Variants in ATP11C observed in about 807,000 individuals in gnomAD.
ATP11C encodes the protein ATPase phospholipid transporting 11C (ATP11C blood group).
Under a neutral mutation model 97.4 loss-of-function variants are expected in ATP11C, and 36 were observed. That is an observed-to-expected ratio of 0.37 (90% confidence interval 0.28 to 0.49). The LOEUF is 0.49. ATP11C is among the 20% of genes least tolerant of loss of function. ATP11C has a pLI of 0.98. For synonymous variants in ATP11C, 275 were observed against 290.9 expected, an observed-to-expected ratio of 0.95 and a Z score of 0.56; for missense variants, 730 against 824.6, an observed-to-expected ratio of 0.89 and a Z score of 1.40.
rs752463808 is a variant in ATP11C, at chrX:139,763,431, T to C, written c.2392-13A>G. 50 of 1,163,240 alleles carry C rather than the reference T, an allele frequency of 4.3e-5. No homozygotes were observed. The highest frequency in any genetic ancestry group is 3.5e-6 in the Non-Finnish European group (3 of 853,407). On this transcript the variant is annotated splice_polypyrimidine_tract_variant and intron_variant, in intron 20 of 29. Coordinates refer to ENST00000682941, the MANE Select transcript of ATP11C (RefSeq NM_001353812.2). ...CCATTCTGACAATCTAAATATTAAA[T>C]ACAAAAGAGGTGTAAAAAAGGTCAA... is the stretch of plus-strand genomic sequence containing the variant.
In ATP11C at chrX:139,812,159, C is replaced by T. The variant is rs746035451; in HGVS notation, c.426+2719G>A. 4.5e-4 allele frequency among the ~76,000 whole-genome samples: 50 copies of T among 111,698 alleles called. 1 individual carries two copies. Among genetic ancestry groups the T allele is most frequent in the African/African-American group, 1.4e-3 (44 of 30,698 alleles). ...AAAGGAGTCTCAACAAACTCTTTCC[C>T]CCGACTCCCCAGCCAAGCAATCTGC... On this transcript the variant is annotated intron_variant, in intron 5 of 29. Transcript: ENST00000682941.
In ATP11C at chrX:139,834,611, AAAG is replaced by A. The variant is rs770085519; in HGVS notation, c.28-7791_28-7789del. Among the ~76,000 whole-genome samples, 8 of 112,628 alleles carry A rather than the reference AAAG, an allele frequency of 7.1e-5. No individual in the cohort carries two copies. In the East Asian group the frequency reaches 1.4e-3, roughly 20 times the overall value. ...GTATAACTTGGATATTGAAGCATAAAAAGAAGAGCACGACAAATATTCAGTAAT... is the reference window on the plus strand; with the variant it reads ...GTATAACTTGGATATTGAAGCATAAAAAGAGCACGACAAATATTCAGTAAT... On this transcript the variant is annotated intron_variant, in intron 1 of 29. Transcript: ENST00000682941.
chrX:139,728,996 T>C lies in ATP11C; in HGVS notation c.*4-34A>G, dbSNP rs773807047. On this transcript the variant is annotated intron_variant, in intron 29 of 29. Coordinates refer to ENST00000682941, the MANE Select transcript of ATP11C (RefSeq NM_001353812.2). Reference sequence around the variant, plus strand: ...TGTAAAATATACAGATTTAAAAGGCTTATTTTAATAATGTGAAACCATCTG... The same window carrying C: ...TGTAAAATATACAGATTTAAAAGGCCTATTTTAATAATGTGAAACCATCTG... The C allele has an allele frequency of 6.3e-5, 66 of 1,041,414 alleles. 1 individual carries two copies. Among genetic ancestry groups the C allele is most frequent in the Non-Finnish European group, 8.4e-5 (63 of 751,193 alleles). The allele number at this position is 1,041,414 out of a possible 1,213,427, so 85.8% of individuals were successfully genotyped here. A position where few individuals can be genotyped will look rare whatever the true frequency, so the allele number is the denominator to read the frequency against.
At chrX:139,808,567 C>A (rs2083096893) in intron 5 of ATP11C, among the ~76,000 whole-genome samples, 1 of 110,964 alleles carries the variant, frequency 9.0e-6, no homozygotes, top group Non-Finnish European at 1.9e-5. Context: ...GGAGTAATAT[C>A]TTTAAAGTAC....
chrX:139,898,854 G>C (rs2084851287), intron 1 of ATP11C, among the ~76,000 whole-genome samples: 2 of 111,666 alleles, frequency 1.8e-5, no homozygotes, highest in Admixed American at 9.6e-5. Flanking sequence ...TGTTTCCATA[G>C]AGTACAGTAT....
intron 1 of ATP11C, among the ~76,000 whole-genome samples, chrX:139,875,419 CA>C (rs35815603): frequency 0.25 from 11,054 of 44,872 alleles, 1,647 homozygotes; most frequent in African/African-American, 0.49. Context: ...CCCATCTCCA[CA>C]AAAAAAAAAA....
intron 1 of ATP11C, among the ~76,000 whole-genome samples, chrX:139,887,001 T>C (rs1187636463): frequency 1.8e-5 from 2 of 111,694 alleles, no homozygotes; most frequent in African/African-American, 3.2e-5. Context: ...AAGGGTAACA[T>C]AGATCAATGA....
At chrX:139,917,368 AAAGT>A (rs2085170462) in intron 1 of ATP11C, among the ~76,000 whole-genome samples, 1 of 111,978 alleles carries the variant, frequency 8.9e-6, no homozygotes, top group African/African-American at 3.2e-5. Flanking sequence ...TCTGTTCATC[AAAGT>A]AAGTAATCAT....
Position 139,797,250 on chromosome X carries a change from C to T in ATP11C, c.934G>A (p.Val312Ile), listed in dbSNP as rs1353707269. The T allele has an allele frequency of 1.7e-6, 2 of 1,198,129 alleles. 1 individual carries two copies. Among genetic ancestry groups the T allele is most frequent in the African/African-American group, 3.5e-5 (2 of 56,916 alleles). ...TCATTGTATGGGGTACTTTGCCAAA[C>T]ATACTTTAGAGTAGTGCATACTGCA... ...KAAVCTTLKY[V>I]WQSTPYNDEP... The change falls in exon 11 of 30, where the codon GTT becomes ATT. Residue 312 changes from valine to isoleucine, a missense_variant. Physicochemically the swap from Val to Ile is conservative, Grantham distance 29 (BLOSUM62 3). Transcript: ENST00000682941.
intron 7 of ATP11C, among the ~76,000 whole-genome samples, chrX:139,800,492 G>T (rs947219153): frequency 1.2e-4 from 13 of 111,840 alleles, no homozygotes; most frequent in African/African-American, 4.2e-4. Context: ...TTTCAAAACC[G>T]CTAGTTCAGT....
intron 1 of ATP11C, among the ~76,000 whole-genome samples, chrX:139,898,950 G>GT (rs750165268): frequency 1.5e-3 from 163 of 111,733 alleles, no homozygotes; most frequent in Non-Finnish European, 2.6e-3. Flanking sequence ...ACCAACAGTG[G>GT]TAAGTCATGC....
At chrX:139,845,388 T>G (rs1258505759) in intron 1 of ATP11C, among the ~76,000 whole-genome samples, 1 of 112,318 alleles carries the variant, frequency 8.9e-6, no homozygotes, top group Non-Finnish European at 1.9e-5. Context: ...ATTAATGCAT[T>G]TATTAACAAT....
At chrX:139,787,308 T>A in intron 14 of ATP11C, 64 bp from the exon 15 acceptor site, 2 of 919,360 alleles carry the variant, frequency 2.2e-6, no homozygotes, top group East Asian at 3.7e-5. Context: ...TTTATTATTA[T>A]TTTTTTTGAG....
intron 1 of ATP11C, among the ~76,000 whole-genome samples, chrX:139,890,968 A>G (rs944703692): frequency 5.4e-5 from 6 of 111,401 alleles, no homozygotes; most frequent in Non-Finnish European, 1.1e-4. Context: ...CAGTGTAGCC[A>G]GCAAACTTCA....
At chrX:139,915,945 T>C (rs924970978) in intron 1 of ATP11C, among the ~76,000 whole-genome samples, 1 of 111,669 alleles carries the variant, frequency 9.0e-6, no homozygotes, top group Non-Finnish European at 1.9e-5. Context: ...AAACACAACA[T>C]GTGGCCAGCA....
intron 27 of ATP11C, among the ~76,000 whole-genome samples, chrX:139,738,792 A>C (rs1278218270): frequency 3.6e-5 from 4 of 110,225 alleles, no homozygotes; most frequent in East Asian, 2.9e-4. Context: ...AACCACAGAG[A>C]GCCTCAGTAG....
intron 8 of ATP11C, 23 bp downstream of exon 8, chrX:139,800,037 A>G: frequency 1.6e-6 from 1 of 625,906 alleles, no homozygotes; most frequent in Admixed American, 2.7e-5. Context: ...CCAAAGGACA[A>G]ATTAAAGAAA....
intron 5 of ATP11C, among the ~76,000 whole-genome samples, chrX:139,805,599 C>T (rs1225594861): frequency 1.8e-5 from 2 of 111,878 alleles, no homozygotes; most frequent in African/African-American, 3.3e-5. Flanking sequence ...ATTTTCACAC[C>T]ATGGTACATA....
At chrX:139,814,340 A>G (rs575633672) in intron 5 of ATP11C, among the ~76,000 whole-genome samples, 2 of 111,652 alleles carry the variant, frequency 1.8e-5, no homozygotes, top group South Asian at 7.4e-4. Context: ...GTGGTTCATT[A>G]AAAAGTTAAA....
Sources: gnomAD v4.1 joint callset for allele counts (sites outside exome capture counted in the v4.1 genomes callset) on GRCh38, gnomAD v4.1.1 for gene constraint, MANE v1.5 for transcripts, NCBI Gene and HGNC (gene_info 2026-07-23, HGNC 2026-07-21) for gene names.